Variants in SAMD5 observed in about 807,000 individuals in gnomAD.
SAMD5 encodes the protein sterile alpha motif domain-containing protein 5.
A neutral mutation model predicts 11.3 loss-of-function variants in SAMD5; 13 were observed. The ratio of observed to expected loss-of-function variants is 1.15; its 90% confidence interval spans 0.75 to 1.83. The LOEUF is 1.83. Among genes scored for constraint, SAMD5 ranks in the 40% most tolerant of loss-of-function variants. SAMD5 has a pLI of 0.00. For missense variants in SAMD5, 255 were observed against 239.1 expected, an observed-to-expected ratio of 1.07 and a Z score of -0.44; for synonymous variants, 129 against 111.3, an observed-to-expected ratio of 1.16 and a Z score of -1.00.
chr6:147,592,320 C>G (rs1205176978), intron 1 of SAMD5, among the ~76,000 whole-genome samples: 3 of 152,104 alleles, frequency 2.0e-5, no homozygotes, highest in Admixed American at 6.6e-5. Context: ...GAAGGTTTCT[C>G]TCCCACCATA....
At chr6:147,662,935 G>A (rs894319725) in intron 1 of SAMD5, among the ~76,000 whole-genome samples, 2 of 152,174 alleles carry the variant, frequency 1.3e-5, no homozygotes, top group African/African-American at 4.8e-5. Context: ...ATTTTGACAA[G>A]TGTGATTTGT....
At chr6:147,815,645 GC>G in the SAMD5 span, among the ~76,000 whole-genome samples, 3 of 152,126 alleles carry the variant, frequency 2.0e-5, no homozygotes, top group Admixed American at 2.0e-4. Flanking sequence ...TTTCAACAGA[GC>G]CCTTTGGAGC....
the SAMD5 span, among the ~76,000 whole-genome samples, chr6:147,909,593 T>C: frequency 7.5e-4 from 53 of 70,346 alleles, no homozygotes; most frequent in African/African-American, 4.4e-3. Context: ...TCTTTCTTTC[T>C]TTCTTTCTTT....
the SAMD5 span, among the ~76,000 whole-genome samples, chr6:147,922,409 A>G: frequency 1.3e-5 from 2 of 152,182 alleles, no homozygotes; most frequent in Non-Finnish European, 2.9e-5. Flanking sequence ...TGTGGGGAAA[A>G]ATACAGTTCC....
chr6:147,634,132 T>A (rs2128451601), intron 1 of SAMD5, among the ~76,000 whole-genome samples: 1 of 152,302 alleles, frequency 6.6e-6, no homozygotes, highest in African/African-American at 2.4e-5. Flanking sequence ...ATGTTTAAGG[T>A]CTGTGTTAGT....
At chr6:147,882,392 G>C in the SAMD5 span, among the ~76,000 whole-genome samples, 1 of 152,190 alleles carries the variant, frequency 6.6e-6, no homozygotes, top group Non-Finnish European at 1.5e-5. Context: ...GTCACAGTGT[G>C]TAGTCATAGT....
the SAMD5 span, among the ~76,000 whole-genome samples, chr6:147,792,257 G>A: frequency 6.6e-6 from 1 of 152,150 alleles, no homozygotes; most frequent in Admixed American, 6.5e-5. Flanking sequence ...TAATATTCTG[G>A]TTGATAAAAG....
the SAMD5 span, among the ~76,000 whole-genome samples, chr6:147,909,678 T>C: frequency 2.7e-5 from 4 of 150,520 alleles, no homozygotes; most frequent in Non-Finnish European, 5.9e-5. Context: ...TAAAGTTTGA[T>C]TGGAGCTTTA....
At chr6:147,896,755 A>AACAAAAAAAAAACAAAC in the SAMD5 span, among the ~76,000 whole-genome samples, 16 of 142,436 alleles carry the variant, frequency 1.1e-4, no homozygotes, top group African/African-American at 4.4e-4. Context: ...AAAAAAAAAA[A>AACAAAAAAAAAACAAAC]AAAAAAAACG....
At chr6:147,523,812 T>C (rs1788292187) in intron 1 of SAMD5, among the ~76,000 whole-genome samples, 1 of 152,194 alleles carries the variant, frequency 6.6e-6, no homozygotes, top group Admixed American at 6.6e-5. Context: ...GCTGGTCCTG[T>C]AGTCACTGTC....
chr6:147,712,128 G>T (rs931182658), intron 1 of SAMD5, among the ~76,000 whole-genome samples: 1 of 152,066 alleles, frequency 6.6e-6, no homozygotes, highest in East Asian at 1.9e-4. Flanking sequence ...TTTATAGCTA[G>T]CTAAAGCACA....
At chr6:147,849,354 T>TA in the SAMD5 span, among the ~76,000 whole-genome samples, 2 of 152,124 alleles carry the variant, frequency 1.3e-5, no homozygotes, top group East Asian at 3.9e-4. Flanking sequence ...GACATTGCTT[T>TA]AAAAATTTTT....
At chr6:147,814,525 T>C in the SAMD5 span, among the ~76,000 whole-genome samples, 1 of 152,184 alleles carries the variant, frequency 6.6e-6, no homozygotes, top group African/African-American at 2.4e-5. Context: ...TCTGGCTTTA[T>C]GGTATGCTTC....
chr6:147,635,621 C>T (rs1403498740), intron 1 of SAMD5, among the ~76,000 whole-genome samples: 1 of 152,198 alleles, frequency 6.6e-6, no homozygotes, highest in Non-Finnish European at 1.5e-5. Flanking sequence ...CTTTCTACCC[C>T]TCTAACTTGG....
intron 1 of SAMD5, among the ~76,000 whole-genome samples, chr6:147,678,523 T>G (rs879769796): frequency 6.6e-6 from 1 of 152,090 alleles, no homozygotes; most frequent in Non-Finnish European, 1.5e-5. Context: ...GATAATTTTC[T>G]TCCTTTTTAG....
the SAMD5 span, among the ~76,000 whole-genome samples, chr6:147,867,833 G>T: frequency 2.0e-5 from 3 of 152,056 alleles, no homozygotes; most frequent in Non-Finnish European, 4.4e-5. Context: ...TTAAAAAATT[G>T]GTGGCTGAAT....
chr6:147,668,555 T>C (rs996623601), intron 1 of SAMD5, among the ~76,000 whole-genome samples: 1 of 152,126 alleles, frequency 6.6e-6, no homozygotes, highest in Non-Finnish European at 1.5e-5. Flanking sequence ...ATGTAAAAGT[T>C]ATGTTTGGCT....
intron 1 of SAMD5, among the ~76,000 whole-genome samples, chr6:147,598,769 T>A (rs1789573004): frequency 6.6e-6 from 1 of 152,190 alleles, no homozygotes; most frequent in Admixed American, 6.5e-5. Context: ...ACTGTGTATC[T>A]ATTATTAATA....
At chr6:147,787,783 T>C in the SAMD5 span, among the ~76,000 whole-genome samples, 1 of 152,258 alleles carries the variant, frequency 6.6e-6, no homozygotes, top group African/African-American at 2.4e-5. Flanking sequence ...TTGGAAAAGA[T>C]GCATTGGCAC....
Sources: gnomAD v4.1 joint callset for allele counts (sites outside exome capture counted in the v4.1 genomes callset) on GRCh38, gnomAD v4.1.1 for gene constraint, MANE v1.5 for transcripts, NCBI Gene and HGNC (gene_info 2026-07-23, HGNC 2026-07-21) for gene names.